Variants in TAF1 observed in about 807,000 individuals in gnomAD.
TAF1 encodes transcription initiation factor TFIID subunit 1.
Under a neutral mutation model 138.5 loss-of-function variants are expected in TAF1, and 2 were observed. That is an observed-to-expected ratio of 0.01 (90% CI 0.01 to 0.05). The LOEUF (loss-of-function observed/expected upper bound fraction) is 0.05, where lower values mean the gene tolerates loss of function less well. Ranked by LOEUF, TAF1 falls within the 10% of genes least tolerant of loss-of-function variation. TAF1 has a pLI of 1.00. For synonymous variants in TAF1, 437 were observed against 503.2 expected, an observed-to-expected ratio of 0.87 and a Z score of 1.76; for missense variants, 709 against 1,478.0, an observed-to-expected ratio of 0.48 and a Z score of 8.53.
intron 32 of TAF1, among the ~76,000 whole-genome samples, chrX:71,450,954 C>T (rs2037929805): frequency 8.9e-6 from 1 of 112,006 alleles, no homozygotes; most frequent in Non-Finnish European, 1.9e-5. Context: ...TGCTACTAAG[C>T]CCCAGCCCAT....
intron 14 of TAF1, among the ~76,000 whole-genome samples, chrX:71,386,772 G>T (rs1217761608): frequency 8.9e-6 from 1 of 112,855 alleles, no homozygotes; most frequent in African/African-American, 3.2e-5. Context: ...GCGTTGTTTT[G>T]TTTTTTAATT....
At chrX:71,435,397 C>A (rs756682166) in intron 32 of TAF1, among the ~76,000 whole-genome samples, 1 of 111,861 alleles carries the variant, frequency 8.9e-6, no homozygotes, top group South Asian at 3.8e-4. Context: ...CTAAAGGGAA[C>A]CCTTGCAGAT....
intron 6 of TAF1, 190 bp downstream of exon 6, chrX:71,378,011 G>T: frequency 3.1e-6 from 2 of 637,401 alleles, no homozygotes; most frequent in Non-Finnish European, 4.6e-6. Context: ...AATGTTTGGT[G>T]GGGTAGGCGG....
rs2038683338 is a variant in TAF1, at chrX:71,464,538, C to G, written c.*492C>G. 1 of 263,963 alleles carries G rather than the reference C, an allele frequency of 3.8e-6. No individual in the cohort carries two copies. Among genetic ancestry groups the G allele is most frequent in the Admixed American group, 6.0e-5 (1 of 16,539 alleles). 21.8% of individuals were successfully genotyped at this position (263,963 alleles called of 1,213,427 possible). The stretch of plus-strand genomic sequence containing the variant: ...TGGCCAACATGGCGAAACCGCATCT[C>G]TACTAAAAATACAAAAATTAGCCAG... On this transcript the variant is annotated 3_prime_UTR_variant, in exon 38 of 38. Coordinates refer to ENST00000423759, the MANE Select transcript of TAF1 (RefSeq NM_004606.5).
intron 32 of TAF1, among the ~76,000 whole-genome samples, chrX:71,436,364 C>T (rs1174154282): frequency 3.7e-5 from 4 of 108,075 alleles, no homozygotes; most frequent in African/African-American, 6.8e-5. Flanking sequence ...TACAGGTGAC[C>T]GCCACAACGC....
chrX:71,501,104 T>C (rs1000736909), intron 13 of TAF1, among the ~76,000 whole-genome samples: 1 of 105,353 alleles, frequency 9.5e-6, no homozygotes, highest in South Asian at 4.2e-4. Context: ...AAAAATGAAG[T>C]GGAGGGCCAT....
chrX:71,483,768 C>A (rs1367036268), intron 13 of TAF1, among the ~76,000 whole-genome samples: 74 of 77,469 alleles, frequency 9.6e-4, no homozygotes, highest in African/African-American at 2.8e-3. Context: ...CTCTCTCTCT[C>A]TCTCTCTCTC....
chrX:71,417,241 AC>A (rs2036062336), intron 28 of TAF1, among the ~76,000 whole-genome samples: 1 of 110,191 alleles, frequency 9.1e-6, no homozygotes, highest in Non-Finnish European at 1.9e-5. Context: ...CAGCCCCCTC[AC>A]CATGGGATTC....
rs761057562 is a variant in TAF1, at chrX:71,387,285, G to T, written c.2251G>T (p.Ala751Ser). 1 of 1,211,424 alleles carries T rather than the reference G, an allele frequency of 8.3e-7. No homozygotes were observed. Among genetic ancestry groups the T allele is most frequent in the Non-Finnish European group, 1.1e-6 (1 of 895,382 alleles). Residue 751 changes from alanine (A) to serine (S), a missense_variant, in exon 15 of 38, where the codon GCT (alanine) becomes TCT (serine). Ala to Ser is a moderately conservative substitution (Grantham distance 99). This residue lies in a region of TAF1 where 201 missense variants were observed against 421.3 expected (regional missense o/e 0.48). Coordinates refer to ENST00000423759, the MANE Select transcript of TAF1 (RefSeq NM_004606.5). ...LQAFENNLFR[A>S]PIYLHKMPET... ...GGCATTTGAGAACAACCTTTTTCGTGCTCCAATTTATCTTCATAAGATGCC... is the reference window on the plus strand; with the variant it reads ...GGCATTTGAGAACAACCTTTTTCGTTCTCCAATTTATCTTCATAAGATGCC...
At position 71,473,570 on chromosome X, in the gene TAF1, T is replaced by C. The variant is rs192866360; in HGVS notation, c.1366+12767T>C. 3.6e-5 allele frequency among the ~76,000 whole-genome samples: 4 copies of C among 109,681 alleles called. No individual in the cohort carries two copies. The East Asian group carries it at 1.1e-3, about 31-fold the overall frequency. On this transcript the variant is annotated intron_variant and NMD_transcript_variant, in intron 13 of 14. Coordinates refer to the TAF1 transcript ENST00000373775. ...GTGTGCACCTCTAGTCCTAGCTACT[T>C]GGGAGGCTGAAGTGGGAGAATCACT...
At chrX:71,479,947 G>A (rs912788760) in intron 13 of TAF1, among the ~76,000 whole-genome samples, 35 of 111,372 alleles carry the variant, frequency 3.1e-4, no homozygotes, top group Admixed American at 2.8e-3. Context: ...CTATGAGGCC[G>A]GCTGTGGTGG....
intron 32 of TAF1, among the ~76,000 whole-genome samples, chrX:71,452,867 C>T (rs963568996): frequency 1.4e-4 from 16 of 112,289 alleles, no homozygotes; most frequent in Non-Finnish European, 2.1e-4. Flanking sequence ...GAGACCAGCC[C>T]GGCCAACACA....
rs904847000 is a variant in TAF1, at chrX:71,520,108, CT to C, written c.1367-8433del. Among the ~76,000 whole-genome samples, 5 of 104,693 alleles carry C rather than the reference CT, an allele frequency of 4.8e-5. No homozygotes were observed. The Admixed American group carries it at 5.3e-4, about 11-fold the overall frequency. The allele number at this position is 104,693 out of a possible 115,157, so 90.9% of individuals were successfully genotyped here. A position where few individuals can be genotyped will look rare whatever the true frequency, so the allele number is the denominator to read the frequency against. On this transcript the variant is annotated intron_variant and NMD_transcript_variant, in intron 13 of 14. Coordinates refer to the TAF1 transcript ENST00000373775. ...GGATTACAGGTGTGAGCCACCGCCC[CT>C]GGCCTGAAGGCATTTTATTTTATTT...
At position 71,384,095 on chromosome X, in the gene TAF1, A is replaced by G. The variant is rs760871346; in HGVS notation, c.2081A>G (p.Gln694Arg). 2.5e-6 allele frequency: 3 copies of G among 1,209,736 alleles called. No individual in the cohort carries two copies. Among genetic ancestry groups the G allele is most frequent in the Non-Finnish European group, 3.4e-6 (3 of 895,278 alleles). The change falls in exon 13 of 38, where the codon CAG (glutamine) becomes CGG (arginine). Residue 694 changes from glutamine (Q) to arginine (R), a missense_variant. Physicochemically the swap from Gln to Arg is conservative, Grantham distance 43 (BLOSUM62 1). Coordinates refer to ENST00000423759, the MANE Select transcript of TAF1 (RefSeq NM_004606.5). ...GAGGAAAATGGACCCTTAATGATGC[A>G]GGTTGGCATGGCAACCAAGATAAAG... is the stretch of plus-strand genomic sequence containing the variant. ...YSEENGPLMM[Q>R]VGMATKIKNY... is the part of the protein sequence containing the mutation.
chrX:71,494,515 G>A (rs752776134), intron 13 of TAF1, among the ~76,000 whole-genome samples: 1 of 112,140 alleles, frequency 8.9e-6, no homozygotes, highest in Admixed American at 9.5e-5. Flanking sequence ...TATTTTATGT[G>A]TGGCCCAAGA....
rs2034662882 is a variant in TAF1 at position 71,393,224 on chromosome X, T to TG, written c.3052-77_3052-76insG. ...TTGTCCTTTGAAATCCCTGAATGAT[T>TG]TGTGTGTGTGTGTGTGTGTGTGTGT... On this transcript the variant is annotated intron_variant, in intron 20 of 37. Transcript: ENST00000423759. 3.5e-4 allele frequency: 336 copies of TG among 955,811 alleles called. 1 individual carries two copies. In the African/African-American group the frequency reaches 6.3e-3, roughly 18 times the overall value. 78.8% of individuals were successfully genotyped at this position (955,811 alleles called of 1,213,427 possible).
Position 71,389,669 on chromosome X carries a change from A to G in TAF1, c.2781+4A>G, listed in dbSNP as rs758357693. ...CCAGATGAAGATTGATGATGAAGTA[A>G]GGCTTTATACTAGTTTGTATTAGTC... On this transcript the variant is annotated splice_donor_region_variant and intron_variant, in intron 18 of 37. Transcript: ENST00000423759. 8.5e-7 allele frequency: 1 copy of G among 1,182,708 alleles called. No individual in the cohort carries two copies. The highest frequency in any genetic ancestry group is 1.1e-6 in the Non-Finnish European group (1 of 873,657).
At chrX:71,412,322 T>G (rs2035840977) in intron 28 of TAF1, among the ~76,000 whole-genome samples, 1 of 108,254 alleles carries the variant, frequency 9.2e-6, no homozygotes, top group Non-Finnish European at 1.9e-5. Context: ...GAGACAAGAG[T>G]CTCACTATGT....
At chrX:71,514,473 A>C (rs948942966) in intron 13 of TAF1, among the ~76,000 whole-genome samples, 11 of 108,762 alleles carry the variant, frequency 1.0e-4, no homozygotes, top group African/African-American at 3.3e-4. Context: ...CAAAAAAAAA[A>C]AAAAAAAAAA....
Sources: allele counts gnomAD v4.1 joint callset (sites outside exome capture counted in the v4.1 genomes callset), GRCh38; gene constraint gnomAD v4.1.1; regional missense constraint gnomAD v4.1.1; transcripts MANE v1.5; gene names NCBI Gene and HGNC (gene_info 2026-07-23, HGNC 2026-07-21).